Variants in ZBED6 observed in about 807,000 individuals in gnomAD.
ZBED6 encodes zinc finger BED-type containing 6, also known as zinc finger BED domain-containing protein 6.
A neutral mutation model predicts 58.4 loss-of-function variants in ZBED6; 40 were observed. The ratio of observed to expected loss-of-function variants is 0.68; its 90% CI spans 0.53 to 0.89. The LOEUF (loss-of-function observed/expected upper bound fraction) is 0.89, where lower values mean the gene tolerates loss of function less well. Among genes scored for constraint, ZBED6 ranks in the 40% least tolerant of loss-of-function variants. The pLI is 0.00. For missense variants in ZBED6, 1,057 were observed against 1,003.9 expected (o/e 1.05, Z -0.71); for synonymous variants, 439 against 350.6 (o/e 1.25, Z -2.82).
chr1:203,814,327 C>T (rs1391138046), intron 1 of ZBED6, among the ~76,000 whole-genome samples: 1 of 152,150 alleles, frequency 6.6e-6, no homozygotes, highest in African/African-American at 2.4e-5. Flanking sequence ...AGTTCAAGAC[C>T]AGCCTGGCCA....
exon 1 of ZBED6, chr1:203,798,236 T>A: frequency 6.5e-7 from 1 of 1,536,156 alleles, no homozygotes; most frequent in Non-Finnish European, 8.7e-7. Flanking sequence ...CAGCATCTGA[T>A]GCCCTAAGGG....
rs1682066696 is a variant in ZBED6, at chr1:203,830,925, A to ATTTTATTTTT, written c.*3399+726_*3399+727insATTTTTTTTT. On this transcript the variant is annotated intron_variant, in intron 7 of 16. Transcript: ENST00000550078. The stretch of plus-strand genomic sequence containing the variant: ...GATTGCTCTGTATTTCCAACCCCCA[A>ATTTTATTTTT]TTTTTTTTTTTTTTTTTTTTTTTTT... Among the ~76,000 whole-genome samples the ATTTTATTTTT allele has an allele frequency of 5.8e-5, 3 of 51,384 alleles. 1 individual carries two copies. The highest frequency in any genetic ancestry group is 2.1e-4 in the African/African-American group (3 of 14,090). 33.7% of individuals were successfully genotyped at this position (51,384 alleles called of 152,430 possible).
intron 3 of ZBED6, among the ~76,000 whole-genome samples, chr1:203,819,881 G>A (rs1320423181): frequency 3.3e-5 from 5 of 151,070 alleles, no homozygotes; most frequent in African/African-American, 9.7e-5. Flanking sequence ...TATTACCATC[G>A]TTTAATCCTT....
At chr1:203,831,840 G>T in intron 8 of ZBED6, 69 bp downstream of exon 8, 1 of 1,285,454 alleles carries the variant, frequency 7.8e-7, no homozygotes. Context: ...CAAAATCCTT[G>T]GGTATCTTTT....
chr1:203,851,190 A>C, intron 16 of ZBED6, 66 bp downstream of exon 16: 1 of 1,356,376 alleles, frequency 7.4e-7, no homozygotes, highest in Non-Finnish European at 1.0e-6. Flanking sequence ...TCTCTAGAGA[A>C]TAACACTGAT....
chr1:203,803,581 AT>A lies in ZBED6; in HGVS notation c.*2554+566del, dbSNP rs1671184387. ...CAAAGTGAAATCTTCCTGTAATTCCATCTCCTTGGAGAAAAGCACTGGGTTA... is the reference window on the plus strand; with the variant it reads ...CAAAGTGAAATCTTCCTGTAATTCCACTCCTTGGAGAAAAGCACTGGGTTA... On this transcript the variant is annotated intron_variant, in intron 1 of 16. Coordinates refer to ENST00000550078, the Ensembl canonical transcript of ZBED6. Among the ~76,000 whole-genome samples, 4 of 152,282 alleles carry A rather than the reference AT, an allele frequency of 2.6e-5. No homozygotes were observed. The South Asian group carries it at 8.3e-4, about 32-fold the overall frequency.
Position 203,829,580 on chromosome 1 carries a change from G to T in ZBED6, c.*3127G>T, listed in dbSNP as rs1489888562. ...CTGCGGAGCGTTATGAAAGTAGAAAGTTCCGAAAATGTTCCTAGCCCCACG... is the reference window on the plus strand; with the variant it reads ...CTGCGGAGCGTTATGAAAGTAGAAATTTCCGAAAATGTTCCTAGCCCCACG... On this transcript the variant is annotated 3_prime_UTR_variant, in exon 5 of 17. Transcript: ENST00000550078. The T allele has an allele frequency of 6.2e-7, 1 of 1,614,004 alleles. No homozygotes were observed. Among genetic ancestry groups the T allele is most frequent in the Non-Finnish European group, 8.5e-7 (1 of 1,180,030 alleles).
intron 12 of ZBED6, 99 bp from the exon 13 acceptor site, chr1:203,848,232 T>C: frequency 1.0e-6 from 1 of 967,176 alleles, no homozygotes; most frequent in South Asian, 1.6e-5. Flanking sequence ...TTATTTGTCC[T>C]GTCTTACTAC....
At chr1:203,796,506 C>G in exon 1 of ZBED6, 1 of 398,984 alleles carries the variant, frequency 2.5e-6, no homozygotes, top group Non-Finnish European at 4.4e-6. Flanking sequence ...GGTGCGGATT[C>G]CTATGGGGAA....
At chr1:203,830,009 C>T (rs559589038) in intron 6 of ZBED6, 113 bp downstream of exon 6, 8 of 1,299,528 alleles carry the variant, frequency 6.2e-6, no homozygotes, top group Non-Finnish European at 7.7e-6. Context: ...GCATACTTAC[C>T]TATACTTAGT....
rs576471050 is a variant in ZBED6, at chr1:203,797,681, T to C, written c.159T>C (p.Asn53=). The C allele has an allele frequency of 7.8e-6, 12 of 1,535,788 alleles. No individual in the cohort carries two copies. In the African/African-American group the frequency reaches 1.6e-4, roughly 21 times the overall value. ...AAAAGATGGTAGCAGAAGGAGTGAA[T>C]AAAGAGGCAAAACAGCCTGCTAAAA... The change falls in exon 1 of 17, where the codon AAT becomes AAC. Residue 53 remains asparagine (N), a synonymous_variant. Transcript: ENST00000550078.
rs368705235 is a variant in ZBED6 at position 203,820,191 on chromosome 1, C to T, written c.*2873+1502C>T. On this transcript the variant is annotated intron_variant, in intron 3 of 16. Transcript: ENST00000550078. ...CGGAGGTTGCACTGAGCTGAGATTG[C>T]GCCACTCCATTCTGGCCTGGGTGAC... is the stretch of plus-strand genomic sequence containing the variant. Among the ~76,000 whole-genome samples, 286 of 150,864 alleles carry T rather than the reference C, an allele frequency of 1.9e-3. 2 individuals are homozygous for T. Among genetic ancestry groups the T allele is most frequent in the African/African-American group, 6.6e-3 (270 of 41,052 alleles).
chr1:203,827,452 G>A (rs543237454), intron 3 of ZBED6, among the ~76,000 whole-genome samples: 2 of 151,406 alleles, frequency 1.3e-5, no homozygotes, highest in South Asian at 2.1e-4. Context: ...AGGCTGAGGC[G>A]GGCGGATCAC....
intron 11 of ZBED6, among the ~76,000 whole-genome samples, chr1:203,840,767 A>G (rs1558136249): frequency 6.6e-6 from 1 of 151,798 alleles, no homozygotes; most frequent in Non-Finnish European, 1.5e-5. Flanking sequence ...CCGAGTAGCT[A>G]GAATTACAGG....
intron 1 of ZBED6, among the ~76,000 whole-genome samples, chr1:203,805,091 G>A (rs1671838753): frequency 6.6e-6 from 1 of 151,314 alleles, no homozygotes; most frequent in Admixed American, 6.6e-5. Context: ...ATTTCAAGAT[G>A]TAGTATTAAG....
In ZBED6 at chr1:203,837,812, C is replaced by G. The variant is rs549096663; in HGVS notation, c.*3574-154C>G. Reference sequence around the variant, plus strand: ...TCTTTTCTCCGACATTTTTATGTTTCTAACATTGAACTCTAAGGAAGCTGG... The same window carrying G: ...TCTTTTCTCCGACATTTTTATGTTTGTAACATTGAACTCTAAGGAAGCTGG... On this transcript the variant is annotated intron_variant, in intron 9 of 16. Coordinates refer to ENST00000550078, the Ensembl canonical transcript of ZBED6. 6.6e-5 allele frequency among the ~76,000 whole-genome samples: 10 copies of G among 152,290 alleles called. 1 individual carries two copies. In the South Asian group the frequency reaches 2.1e-3, roughly 32 times the overall value.
intron 3 of ZBED6, among the ~76,000 whole-genome samples, chr1:203,822,529 C>T (rs926910094): frequency 6.6e-5 from 10 of 152,196 alleles, no homozygotes; most frequent in Middle Eastern, 3.4e-3. Context: ...CCTGACCCTG[C>T]GCACATACTC....
At chr1:203,838,193 A>T in intron 10 of ZBED6, 129 bp downstream of exon 10, 1 of 871,786 alleles carries the variant, frequency 1.1e-6, no homozygotes, top group South Asian at 1.8e-5. Flanking sequence ...TATATTATTC[A>T]CTCAACAAAC....
chr1:203,851,279 GTTC>G (rs1216025157), intron 16 of ZBED6, among the ~76,000 whole-genome samples, 155 bp downstream of exon 16: 3 of 152,156 alleles, frequency 2.0e-5, no homozygotes, highest in African/African-American at 4.8e-5. Context: ...TAGGGTTGCT[GTTC>G]TTCTTTGGTG....
Sources: gnomAD v4.1 joint callset for allele counts (sites outside exome capture counted in the v4.1 genomes callset) on GRCh38, gnomAD v4.1.1 for gene constraint, MANE v1.5 for transcripts, NCBI Gene and HGNC (gene_info 2026-07-23, HGNC 2026-07-21) for gene names.